The following SYT10 variants were observed in gnomAD, a reference collection of about 807,000 sequenced individuals.
The protein encoded by SYT10 is synaptotagmin-10.
A neutral mutation model predicts 51.1 loss-of-function variants in SYT10; 31 were observed. That is an observed-to-expected ratio of 0.61 (90% CI 0.46 to 0.82). The LOEUF is 0.82. Among genes scored for constraint, SYT10 ranks in the 40% least tolerant of loss-of-function variants. The pLI is 0.00. For synonymous variants in SYT10, 233 were observed against 225.9 expected (o/e 1.03, Z -0.28); for missense variants, 603 against 634.0 (o/e 0.95, Z 0.53).
chr12:33,418,033 A>C (rs532284688), intron 2 of SYT10, among the ~76,000 whole-genome samples: 1 of 152,308 alleles, frequency 6.6e-6, no homozygotes, highest in East Asian at 1.9e-4. Flanking sequence ...AACTCTTTGA[A>C]AGAGTTGAGG....
intron 3 of SYT10, among the ~76,000 whole-genome samples, chr12:33,390,119 G>C (rs1225859803): frequency 6.6e-6 from 1 of 152,206 alleles, no homozygotes. Flanking sequence ...GAGAATGTCT[G>C]GTCAAGCCCT....
Position 33,430,427 on chromosome 12 carries a change from C to T in SYT10, c.152-3932G>A, listed in dbSNP as rs115530469. 5.8e-3 allele frequency among the ~76,000 whole-genome samples: 886 copies of T among 152,204 alleles called. 6 individuals are homozygous for T. Among genetic ancestry groups the T allele is most frequent in the African/African-American group, 0.02 (841 of 41,542 alleles). The stretch of plus-strand genomic sequence containing the variant: ...GGCCATAACATTTGCATGATCTTGT[C>T]CACTGAAACTTATAAATACTGCTAG... On this transcript the variant is annotated intron_variant, in intron 1 of 6. Coordinates refer to ENST00000228567, the MANE Select transcript of SYT10 (RefSeq NM_198992.4).
intron 2 of SYT10, among the ~76,000 whole-genome samples, chr12:33,418,649 G>A (rs1866475236): frequency 6.6e-6 from 1 of 152,046 alleles, no homozygotes; most frequent in South Asian, 2.1e-4. Flanking sequence ...AGTCATTTTT[G>A]ACTCTTCTTA....
intron 5 of SYT10, among the ~76,000 whole-genome samples, chr12:33,381,214 G>A (rs1281384733): frequency 6.6e-6 from 1 of 152,106 alleles, no homozygotes; most frequent in Non-Finnish European, 1.5e-5. Context: ...CTAAATAGTA[G>A]TCACAAGTTA....
chr12:33,406,475 C>T (rs1193451791), intron 3 of SYT10, among the ~76,000 whole-genome samples: 1 of 152,024 alleles, frequency 6.6e-6, no homozygotes, highest in Non-Finnish European at 1.5e-5. Flanking sequence ...AAAGTCAATA[C>T]TAACTGTGAG....
intron 1 of SYT10, among the ~76,000 whole-genome samples, chr12:33,427,161 A>G (rs1866559944): frequency 6.6e-6 from 1 of 152,088 alleles, no homozygotes; most frequent in Non-Finnish European, 1.5e-5. Flanking sequence ...CCCCAAGGCC[A>G]TGGTATTAGG....
At chr12:33,396,507 A>G (rs1188199064) in intron 3 of SYT10, among the ~76,000 whole-genome samples, 1 of 152,200 alleles carries the variant, frequency 6.6e-6, no homozygotes, top group Non-Finnish European at 1.5e-5. Context: ...ATAAGTATTT[A>G]TATTTTAAAT....
Position 33,390,573 on chromosome 12 carries a change from T to TAC in SYT10, c.1078-5283_1078-5282insGT, listed in dbSNP as rs1158174466. Among the ~76,000 whole-genome samples, 4 of 151,708 alleles carry TAC rather than the reference T, an allele frequency of 2.6e-5. No homozygotes were observed. The East Asian group carries it at 7.8e-4, about 29-fold the overall frequency. On this transcript the variant is annotated intron_variant, in intron 3 of 6. Transcript: ENST00000228567. Reference sequence around the variant, plus strand: ...CAACCCAAAAACTCCACCCTCTATATATATATAAAATAAATAATTTGCAAG... The same window carrying TAC: ...CAACCCAAAAACTCCACCCTCTATATACATATATAAAATAAATAATTTGCAAG...
intron 1 of SYT10, among the ~76,000 whole-genome samples, chr12:33,431,176 A>G (rs1866593876): frequency 1.3e-5 from 2 of 152,200 alleles, no homozygotes; most frequent in Non-Finnish European, 2.9e-5. Context: ...AGGGAAGGTG[A>G]GGGTATGTCA....
chr12:33,406,760 A>C (rs1866356239), intron 3 of SYT10, 29 bp downstream of exon 3: 6 of 1,537,694 alleles, frequency 3.9e-6, no homozygotes, highest in Non-Finnish European at 5.3e-6. Context: ...TCAAATAAAA[A>C]ACAATATATT....
chr12:33,379,737 G>T, intron 6 of SYT10, 95 bp downstream of exon 6: 1 of 1,469,038 alleles, frequency 6.8e-7, no homozygotes, highest in Non-Finnish European at 9.2e-7. Context: ...TAACAAGGGT[G>T]AATACATAAA....
At chr12:33,426,761 G>A (rs759093713) in intron 1 of SYT10, among the ~76,000 whole-genome samples, 22 of 152,110 alleles carry the variant, frequency 1.4e-4, no homozygotes, top group Non-Finnish European at 2.6e-4. Context: ...AGTACACTAT[G>A]ATGGGTTCAA....
intron 3 of SYT10, among the ~76,000 whole-genome samples, chr12:33,393,802 G>T (rs1591985203): frequency 6.6e-6 from 1 of 152,068 alleles, no homozygotes; most frequent in African/African-American, 2.4e-5. Context: ...ATCTAGGGTG[G>T]CCCCCACTCC....
chr12:33,415,623 T>C (rs1866446184), intron 2 of SYT10, among the ~76,000 whole-genome samples: 1 of 152,258 alleles, frequency 6.6e-6, no homozygotes, highest in Admixed American at 6.5e-5. Flanking sequence ...TTTATCTCTA[T>C]TTTAATATTA....
intron 3 of SYT10, among the ~76,000 whole-genome samples, chr12:33,404,342 C>A (rs891139320): frequency 1.3e-5 from 2 of 152,136 alleles, no homozygotes; most frequent in Admixed American, 1.3e-4. Context: ...GCCCTGTCAA[C>A]CACATTCATT....
At chr12:33,439,239 A>T in intron 1 of SYT10, 133 bp downstream of exon 1, 1 of 1,173,594 alleles carries the variant, frequency 8.5e-7, no homozygotes, top group Non-Finnish European at 1.2e-6. Flanking sequence ...CGAAGGAAGG[A>T]GCGAGGTAGG....
intron 6 of SYT10, among the ~76,000 whole-genome samples, chr12:33,379,159 C>A (rs1007331056): frequency 1.3e-5 from 2 of 152,080 alleles, no homozygotes; most frequent in Non-Finnish European, 1.5e-5. Context: ...AAGCACTAAG[C>A]ACTTAATATT....
At chr12:33,433,479 G>A (rs763293892) in intron 1 of SYT10, among the ~76,000 whole-genome samples, 1 of 152,114 alleles carries the variant, frequency 6.6e-6, no homozygotes, top group Non-Finnish European at 1.5e-5. Context: ...TTTCACTACA[G>A]ACTAATTTAT....
chr12:33,412,776 C>A (rs1411934306), intron 2 of SYT10, among the ~76,000 whole-genome samples: 1 of 152,092 alleles, frequency 6.6e-6, no homozygotes, highest in East Asian at 1.9e-4. Context: ...AATCAGAGCA[C>A]CTCTCCCGCT....
Sources: gnomAD v4.1 joint callset for allele counts (sites outside exome capture counted in the v4.1 genomes callset) on GRCh38, gnomAD v4.1.1 for gene constraint, MANE v1.5 for transcripts, NCBI Gene and HGNC (gene_info 2026-07-23, HGNC 2026-07-21) for gene names.